The following IRAK1BP1 variants were observed in gnomAD, a reference collection of about 807,000 sequenced individuals.
IRAK1BP1 encodes interleukin-1 receptor-associated kinase 1-binding protein 1.
Under a neutral mutation model 28.0 loss-of-function variants are expected in IRAK1BP1, and 24 were observed. That is an observed-to-expected ratio of 0.86 (90% CI 0.62 to 1.20). The LOEUF (loss-of-function observed/expected upper bound fraction) is 1.20. Ranked by LOEUF, IRAK1BP1 falls within the 50% of genes most tolerant of loss-of-function variation. The pLI, the probability that IRAK1BP1 is intolerant of heterozygous loss-of-function variation, is 0.00. For synonymous variants in IRAK1BP1, 131 were observed against 116.3 expected (o/e 1.13, Z -0.81); for missense variants, 336 against 316.7 (o/e 1.06, Z -0.46).
At chr6:78,965,785 T>G in the IRAK1BP1 span, 1 of 1,408,622 alleles carries the variant, frequency 7.1e-7, no homozygotes, top group South Asian at 1.2e-5. Context: ...GAAAAATCAT[T>G]ATATTAAAAA....
Position 78,935,510 on chromosome 6 carries a change from G to A in IRAK1BP1, c.*68-9898G>A, listed in dbSNP as rs879086022. ...TTTATGCAAAGTGTTCCACTGAAAT[G>A]TATCTCTTACGAAAGTATCTGAATA... On this transcript the variant is annotated intron_variant and NMD_transcript_variant, in intron 4 of 4. Transcript: ENST00000606868. 40 of 979,006 alleles carry A rather than the reference G, an allele frequency of 4.1e-5. No homozygotes were observed. The African/African-American group carries it at 5.8e-4, about 14-fold the overall frequency. 60.6% of individuals were successfully genotyped at this position (979,006 alleles called of 1,614,324 possible).
chr6:78,918,578 T>TAAAAAAAAAAAAAAA (rs58669467), intron 4 of IRAK1BP1, among the ~76,000 whole-genome samples: 10 of 66,780 alleles, frequency 1.5e-4, no homozygotes, highest in East Asian at 5.8e-4. Context: ...CCAAAAACAG[T>TAAAAAAAAAAAAAAA]AAAAAAAAAA....
the IRAK1BP1 span, among the ~76,000 whole-genome samples, chr6:78,964,947 T>G: frequency 1.1e-4 from 17 of 152,186 alleles, no homozygotes; most frequent in Admixed American, 2.0e-4. Flanking sequence ...GTGTGTTGTA[T>G]TTTTTACAAA....
chr6:78,932,994 G>C (rs58047896), intron 4 of IRAK1BP1, among the ~76,000 whole-genome samples: 11,619 of 152,082 alleles, frequency 0.076, 561 homozygotes, highest in African/African-American at 0.13. Context: ...TGTCATGCAG[G>C]CTTTGTTGTT....
downstream of IRAK1BP1, among the ~76,000 whole-genome samples, chr6:78,948,595 A>G (rs958591296): frequency 2.6e-5 from 4 of 152,078 alleles, no homozygotes; most frequent in African/African-American, 9.7e-5. Flanking sequence ...CCCAGACTCA[A>G]GCAACCTTCC....
the IRAK1BP1 span, among the ~76,000 whole-genome samples, chr6:78,975,985 A>G: frequency 5.9e-5 from 9 of 151,954 alleles, no homozygotes; most frequent in East Asian, 1.7e-3. Flanking sequence ...ATCCCCATCA[A>G]GCTACCAATG....
rs1011211843 is a variant in IRAK1BP1, at chr6:78,900,882, T to A, written c.*2548T>A. ...GCTGCATTGTTTGATTATTGTTGGC[T>A]CAATTAAAAGTTGGCTTTTCCAAAT... is the stretch of plus-strand genomic sequence containing the variant. On this transcript the variant is annotated 3_prime_UTR_variant, in exon 4 of 4. Transcript: ENST00000369940. The A allele has an allele frequency of 6.6e-6, 1 of 152,196 alleles. No homozygotes were observed. Among genetic ancestry groups the A allele is most frequent in the Non-Finnish European group, 1.5e-5 (1 of 68,030 alleles). The allele number at this position is 152,196 out of a possible 1,614,324, so 9.4% of individuals were successfully genotyped here. A position where few individuals can be genotyped will look rare whatever the true frequency, so the allele number is the denominator to read the frequency against.
chr6:78,886,189 G>C (rs1265828843), intron 2 of IRAK1BP1, among the ~76,000 whole-genome samples: 2 of 152,112 alleles, frequency 1.3e-5, no homozygotes, highest in African/African-American at 2.4e-5. Context: ...TCTATCTTCA[G>C]GCAGATAATA....
intron 1 of IRAK1BP1, among the ~76,000 whole-genome samples, chr6:78,880,387 T>C (rs1376042434): frequency 6.6e-6 from 1 of 152,228 alleles, no homozygotes; most frequent in Non-Finnish European, 1.5e-5. Context: ...TTTCGAATTT[T>C]GGATTTTCAC....
chr6:78,954,709 A>C, the IRAK1BP1 span: 1 of 717,094 alleles, frequency 1.4e-6, no homozygotes, highest in Non-Finnish European at 2.2e-6. Context: ...ATAAAATAAT[A>C]AAGAAATAAA....
chr6:78,916,908 C>T (rs539936982), intron 4 of IRAK1BP1, among the ~76,000 whole-genome samples: 2 of 152,018 alleles, frequency 1.3e-5, no homozygotes, highest in Non-Finnish European at 2.9e-5. Flanking sequence ...TGTGCCATTG[C>T]ACTCCAGCCT....
chr6:78,933,439 A>G (rs999834073), intron 4 of IRAK1BP1, among the ~76,000 whole-genome samples: 1 of 137,790 alleles, frequency 7.3e-6, no homozygotes, highest in Admixed American at 7.4e-5. Flanking sequence ...ACCATGGTGA[A>G]CCCCTTCTCT....
At chr6:78,885,119 CCATT>C (rs993560042) in intron 1 of IRAK1BP1, among the ~76,000 whole-genome samples, 3 of 151,914 alleles carry the variant, frequency 2.0e-5, no homozygotes, top group African/African-American at 7.2e-5. Context: ...AAAATGAAAA[CCATT>C]CAACCTTTAT....
chr6:78,947,506 TTAAGAATG>T, downstream of IRAK1BP1: 1 of 577,282 alleles, frequency 1.7e-6, no homozygotes, highest in South Asian at 2.5e-5. Context: ...TAGGACAACA[TTAAGAATG>T]TAACAGAAAG....
downstream of IRAK1BP1, among the ~76,000 whole-genome samples, chr6:78,947,954 C>G (rs1247212361): frequency 2.0e-5 from 3 of 151,744 alleles, no homozygotes; most frequent in African/African-American, 7.3e-5. Flanking sequence ...TTCATACTCC[C>G]CCCCCTTATA....
At chr6:78,957,760 G>GC in the IRAK1BP1 span, 2 of 151,864 alleles carry the variant, frequency 1.3e-5, no homozygotes, top group Admixed American at 6.6e-5. Flanking sequence ...TCATTTCTCT[G>GC]CCTTCAACTT....
chr6:78,964,466 T>C, the IRAK1BP1 span, among the ~76,000 whole-genome samples: 5 of 152,314 alleles, frequency 3.3e-5, no homozygotes. Flanking sequence ...AAAGATCTTA[T>C]TTATTTTTAT....
chr6:78,871,112 A>G (rs1010950701), intron 1 of IRAK1BP1, among the ~76,000 whole-genome samples: 1 of 151,960 alleles, frequency 6.6e-6, no homozygotes, highest in Admixed American at 6.6e-5. Flanking sequence ...TGTATCTTAC[A>G]GTTCTGGAAT....
chr6:78,893,152 G>A (rs1170822708), intron 2 of IRAK1BP1, among the ~76,000 whole-genome samples: 2 of 151,126 alleles, frequency 1.3e-5, no homozygotes, highest in East Asian at 3.9e-4. Context: ...TCTTAAAACA[G>A]CCAGAGGAGG....
Sources: gnomAD v4.1 joint callset for allele counts (sites outside exome capture counted in the v4.1 genomes callset) on GRCh38, gnomAD v4.1.1 for gene constraint, MANE v1.5 for transcripts, NCBI Gene and HGNC (gene_info 2026-07-23, HGNC 2026-07-21) for gene names.